DPP6: variants seen among roughly 807,000 people sequenced by gnomAD.
DPP6 encodes the protein dipeptidyl peptidase like 6.
In DPP6, 69 loss-of-function variants were observed where a neutral mutation model predicts 122.6. The ratio of observed to expected loss-of-function variants is 0.56; its 90% CI spans 0.46 to 0.69. DPP6 has a LOEUF of 0.69. Ranked by LOEUF, DPP6 falls within the 30% of genes least tolerant of loss-of-function variation. The probability of loss-of-function intolerance (pLI) is 0.00; values close to 1 mark genes in which losing one functional copy is unlikely to be tolerated. For synonymous variants in DPP6, 418 were observed against 433.1 expected, an observed-to-expected ratio of 0.97 and a Z score of 0.43; for missense variants, 928 against 1,116.9, an observed-to-expected ratio of 0.83 and a Z score of 2.41.
At chr7:153,767,438 G>A in the DPP6 span, among the ~76,000 whole-genome samples, 2 of 151,998 alleles carry the variant, frequency 1.3e-5, no homozygotes, top group African/African-American at 4.8e-5. Flanking sequence ...TACAATCTCG[G>A]CTCACTGCAA....
intron 5 of DPP6, among the ~76,000 whole-genome samples, chr7:154,612,353 A>G (rs540686737): frequency 6.6e-6 from 1 of 152,324 alleles, no homozygotes; most frequent in South Asian, 2.1e-4. Context: ...CCATCAATCT[A>G]TTGACCGTCT....
chr7:154,379,306 A>G (rs370024085), intron 1 of DPP6, among the ~76,000 whole-genome samples: 1 of 152,256 alleles, frequency 6.6e-6, no homozygotes, highest in Non-Finnish European at 1.5e-5. Context: ...AAAATTGATC[A>G]ATGGGATCAC....
At chr7:153,958,146 G>A (rs13244881) in intron 1 of DPP6, among the ~76,000 whole-genome samples, 23,338 of 151,882 alleles carry the variant, frequency 0.15, 2,083 homozygotes, top group East Asian at 0.26. Context: ...CCTGGGCGAC[G>A]GAGTGAGACT....
At chr7:154,641,598 T>C (rs965297158) in intron 6 of DPP6, among the ~76,000 whole-genome samples, 1 of 152,220 alleles carries the variant, frequency 6.6e-6, no homozygotes, top group African/African-American at 2.4e-5. Flanking sequence ...TCTATATTTA[T>C]GTCTATTATC....
At chr7:154,784,570 G>C (rs574314096) in intron 10 of DPP6, among the ~76,000 whole-genome samples, 8 of 152,308 alleles carry the variant, frequency 5.3e-5, no homozygotes, top group African/African-American at 1.7e-4. Flanking sequence ...AGGGCAGTCT[G>C]GTTTTTGCTT....
intron 1 of DPP6, among the ~76,000 whole-genome samples, chr7:154,387,194 A>C (rs1407788960): frequency 6.6e-6 from 1 of 152,210 alleles, no homozygotes; most frequent in Non-Finnish European, 1.5e-5. Context: ...AGTGACCTAC[A>C]TCATTCATAG....
intron 1 of DPP6, among the ~76,000 whole-genome samples, chr7:153,964,845 C>CT (rs1466088894): frequency 8.1e-6 from 1 of 123,624 alleles, no homozygotes; most frequent in Non-Finnish European, 1.5e-5. Context: ...TTTCCTTTTC[C>CT]TTTTCCTTTT....
At chr7:154,853,517 T>C (rs921708956) in intron 16 of DPP6, among the ~76,000 whole-genome samples, 15 of 152,232 alleles carry the variant, frequency 9.9e-5, no homozygotes, top group Admixed American at 9.8e-4. Context: ...AATGATGTTT[T>C]ATGGCATTAC....
intron 1 of DPP6, among the ~76,000 whole-genome samples, chr7:154,139,820 C>G (rs1337101390): frequency 1.3e-5 from 2 of 152,228 alleles, no homozygotes; most frequent in African/African-American, 4.8e-5. Context: ...ACTAAGAAGT[C>G]TCTTTTGCAT....
At chr7:154,036,367 C>T (rs1421586808) in intron 1 of DPP6, among the ~76,000 whole-genome samples, 1 of 148,258 alleles carries the variant, frequency 6.7e-6, no homozygotes, top group African/African-American at 2.5e-5. Flanking sequence ...GTGATCCGCC[C>T]ACCTCAGCCT....
At chr7:153,813,016 A>AT in the DPP6 span, among the ~76,000 whole-genome samples, 9 of 151,710 alleles carry the variant, frequency 5.9e-5, no homozygotes, top group Non-Finnish European at 1.0e-4. Flanking sequence ...TGGTGAGGAA[A>AT]TTTTTTTTTA....
At chr7:154,628,034 G>A (rs547033962) in intron 5 of DPP6, among the ~76,000 whole-genome samples, 7 of 152,296 alleles carry the variant, frequency 4.6e-5, no homozygotes, top group Admixed American at 3.9e-4. Context: ...GCAGATAGCG[G>A]GGAGGCAGAG....
chr7:154,122,658 G>T (rs1002542687), intron 1 of DPP6, among the ~76,000 whole-genome samples: 259 of 149,844 alleles, frequency 1.7e-3, no homozygotes, highest in African/African-American at 6.2e-3. Context: ...ATAATGTCCA[G>T]TATGTAATAG....
chr7:153,983,683 C>T (rs898836803), intron 1 of DPP6, among the ~76,000 whole-genome samples: 3 of 151,740 alleles, frequency 2.0e-5, no homozygotes, highest in Non-Finnish European at 4.4e-5. Context: ...GATATAGGCA[C>T]CCAAGGGAAT....
chr7:154,378,734 G>A (rs6979175), intron 1 of DPP6, among the ~76,000 whole-genome samples: 148,154 of 152,354 alleles, frequency 0.97, 72,069 homozygotes, highest in East Asian at 1. Context: ...GATAATTTTT[G>A]AAGAAAAGAG....
chr7:154,425,604 A>AAATG lies in DPP6; in HGVS notation c.244-20610_244-20609insAATG, dbSNP rs60604834. 2.2e-4 allele frequency among the ~76,000 whole-genome samples: 28 copies of AAATG among 128,282 alleles called. 1 individual carries two copies. The highest frequency in any genetic ancestry group is 9.0e-4 in the African/African-American group (25 of 27,752). 84.2% of individuals were successfully genotyped at this position (128,282 alleles called of 152,430 possible). A position where few individuals can be genotyped will look rare whatever the true frequency, so the allele number is the denominator to read the frequency against. ...TTTATAGGTTAGTTTGGGGAAAAAA[A>AAATG]TGTGTGTGTGTGTGTGGGTGTGTGT... On this transcript the variant is annotated intron_variant, in intron 1 of 25. Coordinates refer to ENST00000377770, the MANE Select transcript of DPP6 (RefSeq NM_130797.4).
chr7:153,955,187 A>G lies in DPP6; in HGVS notation c.51+67453A>G, dbSNP rs569927337. ...TGGGAGGTAGGAAAACAAGGGGTAG[A>G]TTAATGTAAACCTAGAGGGAAAGTC... On this transcript the variant is annotated intron_variant, in intron 1 of 25. Transcript: ENST00000404039. 2.6e-5 allele frequency among the ~76,000 whole-genome samples: 4 copies of G among 152,298 alleles called. No individual in the cohort carries two copies. The East Asian group carries it at 7.7e-4, about 29-fold the overall frequency.
chr7:154,666,483 A>G (rs563318671), intron 6 of DPP6, among the ~76,000 whole-genome samples: 1 of 152,188 alleles, frequency 6.6e-6, no homozygotes, highest in African/African-American at 2.4e-5. Flanking sequence ...CACCTCATAT[A>G]CTTATCTTTT....
chr7:154,867,265 C>T (rs1803956831), intron 17 of DPP6, among the ~76,000 whole-genome samples: 1 of 152,176 alleles, frequency 6.6e-6, no homozygotes, highest in South Asian at 2.1e-4. Flanking sequence ...CATTTCAGTA[C>T]ATGAACGGAG....
Sources: allele counts gnomAD v4.1 joint callset (sites outside exome capture counted in the v4.1 genomes callset), GRCh38; gene constraint gnomAD v4.1.1; transcripts MANE v1.5; gene names NCBI Gene and HGNC (gene_info 2026-07-23, HGNC 2026-07-21).